The following SETD1B variants were observed in gnomAD, a reference collection of about 807,000 sequenced individuals.
SETD1B encodes histone-lysine N-methyltransferase SETD1B.
SETD1B carries 7 observed loss-of-function variants against 148.0 expected under a neutral mutation model. The observed-to-expected ratio is 0.05, with a 90% CI of 0.03 to 0.09. SETD1B has a LOEUF of 0.09. Ranked by LOEUF, SETD1B falls within the 10% of genes least tolerant of loss-of-function variation. SETD1B has a pLI of 1.00. For missense variants in SETD1B, 2,155 were observed against 2,729.9 expected (o/e 0.79, Z 4.69); for synonymous variants, 1,361 against 1,186.5 (o/e 1.15, Z -3.02).
intron 6 of SETD1B, among the ~76,000 whole-genome samples, chr12:121,811,837 G>T (rs749290030): frequency 6.6e-6 from 1 of 152,182 alleles, no homozygotes; most frequent in Non-Finnish European, 1.5e-5. Flanking sequence ...GGGGCTCCAG[G>T]GGGCCTCCAA....
At chr12:121,793,311 C>T in the SETD1B span, 1 of 1,462,020 alleles carries the variant, frequency 6.8e-7, no homozygotes, top group Non-Finnish European at 9.4e-7. Flanking sequence ...AATCCACTGT[C>T]CACCCCCCTC....
the SETD1B span, chr12:121,797,768 G>A: frequency 3.6e-5 from 13 of 358,508 alleles, no homozygotes; most frequent in Admixed American, 4.4e-4. Context: ...GGTAACGTGA[G>A]AGCAACGGGG....
chr12:121,811,142 G>T (rs895953), intron 6 of SETD1B, among the ~76,000 whole-genome samples: 116,879 of 152,148 alleles, frequency 0.77, 45,760 homozygotes, highest in East Asian at 0.98. Flanking sequence ...GGCCTGAGCT[G>T]CTTTGGTAGG....
upstream of SETD1B, chr12:121,799,744 G>A: frequency 6.9e-6 from 1 of 144,228 alleles, no homozygotes. Flanking sequence ...GGTGGGGCGG[G>A]GCCGCAGAAC....
rs1251127104 is a variant in SETD1B, at chr12:121,819,268, A to C, written c.3419-136A>C. 117 of 1,448,410 alleles carry C rather than the reference A, an allele frequency of 8.1e-5. No homozygotes were observed. The Middle Eastern group carries it at 8.2e-4, about 10-fold the overall frequency. The allele number at this position is 1,448,410 out of a possible 1,614,324, so 89.7% of individuals were successfully genotyped here. A position where few individuals can be genotyped will look rare whatever the true frequency, so the allele number is the denominator to read the frequency against. On this transcript the variant is annotated intron_variant, in intron 10 of 16. Coordinates refer to ENST00000604567, the MANE Select transcript of SETD1B (RefSeq NM_001353345.2). ...AAAAGAAAAAAAAGACTCCTAGTGA[A>C]CACATGCCCCACACACATATCTGAG...
the SETD1B span, among the ~76,000 whole-genome samples, chr12:121,794,618 C>G: frequency 1.3e-5 from 2 of 152,190 alleles, no homozygotes; most frequent in African/African-American, 4.8e-5. Context: ...ACTCTCCCAT[C>G]CCCTGATCAA....
the SETD1B span, chr12:121,796,020 G>C: frequency 3.3e-5 from 5 of 151,214 alleles, no homozygotes; most frequent in Non-Finnish European, 5.9e-5. Context: ...AGCCCCACCT[G>C]CCTGGAGCGC....
chr12:121,793,256 C>T, the SETD1B span: 1 of 1,549,558 alleles, frequency 6.5e-7, no homozygotes, highest in Non-Finnish European at 8.7e-7. Context: ...GAGAGGGGGT[C>T]GGGTTGGTCC....
chr12:121,809,817 G>A lies in SETD1B; in HGVS notation c.872G>A (p.Ser291Asn), dbSNP rs1592976575. 6.4e-7 allele frequency: 1 copy of A among 1,551,490 alleles called. No homozygotes were observed. Among genetic ancestry groups the A allele is most frequent in the African/African-American group, 1.4e-5 (1 of 73,154 alleles). ...TTCTCACAGGACTCCAGCTACTCCA[G>A]CCGCCAGCCCACACCCTCATACCTC... ...TPFSQDSSYS[S>N]RQPTPSYLFS... is the part of the protein sequence containing the mutation. The change falls in exon 6 of 17, where the codon AGC becomes AAC. Residue 291 changes from serine to asparagine, a missense_variant. Physicochemically the swap from Ser to Asn is conservative, Grantham distance 46. Around this residue, in one of 11 missense-constraint regions of SETD1B, gnomAD observed 376 missense variants for 385.0 expected, o/e 0.98. Coordinates refer to ENST00000604567, the MANE Select transcript of SETD1B (RefSeq NM_001353345.2).
At chr12:121,822,401 G>T in intron 11 of SETD1B, 89 bp from the exon 12 acceptor site, 2 of 1,439,928 alleles carry the variant, frequency 1.4e-6, no homozygotes, top group East Asian at 5.0e-5. Flanking sequence ...TCAGGGCTGT[G>T]AGCCTGCCAG....
At position 121,817,453 on chromosome 12, in the gene SETD1B, C is replaced by A; in HGVS notation, c.3061C>A (p.Arg1021=). ...GGACCCCAAGGGCGTGGGTGTGCGG[C>A]GGCGGCCGGCGCGGCCTCTGGAGCT... The part of the protein sequence containing the change: ...KRDPKGVGVR[R]RPARPLELDS... The change falls in exon 9 of 17, where the codon CGG becomes AGG. Residue 1021 remains arginine, a synonymous_variant. Coordinates refer to ENST00000604567, the MANE Select transcript of SETD1B (RefSeq NM_001353345.2). The surrounding 1 kb of genome is among the most constrained non-coding windows in gnomAD (Gnocchi z 8.1). 1 of 1,547,152 alleles carries A rather than the reference C, an allele frequency of 6.5e-7. No individual in the cohort carries two copies. Among genetic ancestry groups the A allele is most frequent in the South Asian group, 1.2e-5 (1 of 83,834 alleles).
Position 121,804,767 on chromosome 12 carries a change from C to A in SETD1B, c.30C>A (p.His10Gln), listed in dbSNP as rs763848081. 92 of 1,550,620 alleles carry A rather than the reference C, an allele frequency of 5.9e-5. No homozygotes were observed. Among genetic ancestry groups the A allele is most frequent in the Middle Eastern group, 1.7e-4 (1 of 5,844 alleles). The stretch of plus-strand genomic sequence containing the variant: ...AGAACAGTCACCCCCCCCACCACCA[C>A]CACCAGCAGCCCCCGCCGCAGCCCG... MENSHPPHHHHQQPPPQPGP... is the reference protein window; with the variant it reads MENSHPPHHQHQQPPPQPGP... The change falls in exon 2 of 17, where the codon CAC becomes CAA. Residue 10 changes from histidine (H) to glutamine (Q), a missense_variant. This residue lies in a region of SETD1B where 36 missense variants were observed against 23.5 expected (regional missense o/e 1.53). Coordinates refer to ENST00000604567, the MANE Select transcript of SETD1B (RefSeq NM_001353345.2). This position sits in a 1 kb window ranked among gnomAD's most constrained non-coding sequence, Gnocchi z 4.6.
At chr12:121,799,818 TCA>T (rs1875237687), upstream of SETD1B, 2 of 148,484 alleles carry the variant, frequency 1.3e-5, no homozygotes, top group Admixed American at 1.4e-4. Flanking sequence ...CAAATCTCCC[TCA>T]CGGTCTGGGC....
the SETD1B span, chr12:121,797,584 C>A: frequency 2.2e-6 from 1 of 456,460 alleles, no homozygotes; most frequent in Non-Finnish European, 4.4e-6. Context: ...GAGCACCCAA[C>A]AGCTCACTGA....
Position 121,819,449 on chromosome 12 carries a change from C to T in SETD1B, c.3464C>T (p.Ser1155Phe), listed in dbSNP as rs1876459633. 6.4e-7 allele frequency: 1 copy of T among 1,552,080 alleles called. No individual in the cohort carries two copies. Among genetic ancestry groups the T allele is most frequent in the Admixed American group, 2.0e-5 (1 of 50,992 alleles). ...ACCTCCAAGGCCGAAGCCACGTCGT[C>T]CAGTGAGAGTTCCGAGTCTTCTGAG... The part of the protein sequence containing the change: ...IVTSKAEATS[S>F]SESSESSEFE... The change falls in exon 11 of 17, where the codon TCC (serine) becomes TTC (phenylalanine). Residue 1155 changes from serine (S) to phenylalanine (F), a missense_variant. Ser to Phe is a radical substitution (Grantham distance 155, BLOSUM62 -2). This residue lies in a region of SETD1B where 862 missense variants were observed against 873.8 expected (regional missense o/e 0.99). Transcript: ENST00000604567.
chr12:121,808,394 A>G lies in SETD1B; in HGVS notation c.657+74A>G. On this transcript the variant is annotated intron_variant, in intron 5 of 16. Coordinates refer to ENST00000604567, the MANE Select transcript of SETD1B (RefSeq NM_001353345.2). The surrounding 1 kb of genome is among the most constrained non-coding windows in gnomAD (Gnocchi z 5.3). ...CCCCCACCTCTGGAAAGCCTCACCA[A>G]CTCTCTTATGGGACCCCCAGCCTAC... The G allele has an allele frequency of 2.0e-6, 2 of 988,678 alleles. No individual in the cohort carries two copies. Among genetic ancestry groups the G allele is most frequent in the South Asian group, 1.5e-5 (1 of 66,550 alleles). 61.2% of individuals were successfully genotyped at this position (988,678 alleles called of 1,614,324 possible).
chr12:121,805,750 A>T lies in SETD1B; in HGVS notation c.274-85A>T, dbSNP rs1592973586. ...CTTTATTGTTTTCAACGGGTGGGCGAGTTGCGGGCGGGGCGGGGGGGATGT... is the reference window on the plus strand; with the variant it reads ...CTTTATTGTTTTCAACGGGTGGGCGTGTTGCGGGCGGGGCGGGGGGGATGT... On this transcript the variant is annotated intron_variant, in intron 3 of 16. Transcript: ENST00000604567. The surrounding 1 kb of genome is among the most constrained non-coding windows in gnomAD (Gnocchi z 4.2). The T allele has an allele frequency of 1.6e-6, 2 of 1,229,508 alleles. No homozygotes were observed. Among genetic ancestry groups the T allele is most frequent in the Non-Finnish European group, 2.2e-6 (2 of 915,888 alleles). 76.2% of individuals were successfully genotyped at this position (1,229,508 alleles called of 1,614,324 possible).
At chr12:121,799,670 G>A (rs967809794), upstream of SETD1B, 2 of 147,108 alleles carry the variant, frequency 1.4e-5, no homozygotes, top group African/African-American at 2.5e-5. Flanking sequence ...GACAGACGGG[G>A]ATGGATGGCC....
Position 121,830,555 on chromosome 12 carries a change from T to G in SETD1B, c.*316T>G. The G allele has an allele frequency of 3.8e-6, 1 of 261,412 alleles. No individual in the cohort carries two copies. The allele number at this position is 261,412 out of a possible 1,614,324, so 16.2% of individuals were successfully genotyped here. On this transcript the variant is annotated 3_prime_UTR_variant, in exon 17 of 17. Transcript: ENST00000604567. The surrounding 1 kb of genome is among the most constrained non-coding windows in gnomAD (Gnocchi z 5.7). ...CTCCCCTCTCTCTCTTCTCTGTCTC[T>G]TCTCTCTCCCACCATCACCCTCGGC...
Sources: gnomAD v4.1 joint callset for allele counts (sites outside exome capture counted in the v4.1 genomes callset) on GRCh38, gnomAD v4.1.1 for gene constraint, gnomAD v4.1.1 regional missense constraint, Gnocchi (gnomAD v3.1) non-coding constraint, MANE v1.5 for transcripts, NCBI Gene and HGNC (gene_info 2026-07-23, HGNC 2026-07-21) for gene names.